The following ZSWIM5 variants were observed in gnomAD, a reference collection of about 807,000 sequenced individuals.
ZSWIM5 encodes zinc finger SWIM domain-containing protein 5.
ZSWIM5 carries 55 observed loss-of-function variants against 119.6 expected under a neutral mutation model. The observed-to-expected ratio is 0.46, with a 90% CI of 0.37 to 0.58. ZSWIM5 has a LOEUF of 0.58. Ranked by LOEUF, ZSWIM5 falls within the 20% of genes least tolerant of loss-of-function variation. The pLI is 0.00. For synonymous variants in ZSWIM5, 537 were observed against 606.9 expected, an observed-to-expected ratio of 0.88 and a Z score of 1.69; for missense variants, 1,193 against 1,512.8, an observed-to-expected ratio of 0.79 and a Z score of 3.51.
At chr1:45,137,460 GA>G (rs906724011) in intron 1 of ZSWIM5, among the ~76,000 whole-genome samples, 95 of 151,300 alleles carry the variant, frequency 6.3e-4, no homozygotes, top group African/African-American at 2.3e-3. Context: ...AACTGCTATA[GA>G]AAAAAAAAGT....
chr1:45,070,555 T>C (rs1645215800), intron 2 of ZSWIM5: 5 of 500,264 alleles, frequency 1.0e-5, no homozygotes, highest in Non-Finnish European at 7.0e-6. Flanking sequence ...CATTTGTTTT[T>C]GTAGTATCTA....
chr1:45,104,742 G>A (rs1404323234), intron 1 of ZSWIM5, among the ~76,000 whole-genome samples: 1 of 152,142 alleles, frequency 6.6e-6, no homozygotes, highest in African/African-American at 2.4e-5. Flanking sequence ...CCCTTCTTGC[G>A]GCCATCTGCT....
chr1:45,076,296 C>G (rs1645256250), intron 2 of ZSWIM5, among the ~76,000 whole-genome samples: 1 of 152,082 alleles, frequency 6.6e-6, no homozygotes, highest in Non-Finnish European at 1.5e-5. Flanking sequence ...TTCTTGTAGG[C>G]CAGTCTGGTG....
chr1:45,114,555 A>C (rs1645536279), intron 1 of ZSWIM5, among the ~76,000 whole-genome samples: 1 of 152,192 alleles, frequency 6.6e-6, no homozygotes, highest in African/African-American at 2.4e-5. Context: ...TTCCTTTTTC[A>C]ATAATTGATA....
At chr1:45,023,504 CTTT>C (rs34813125) in intron 11 of ZSWIM5, among the ~76,000 whole-genome samples, 1 of 139,196 alleles carries the variant, frequency 7.2e-6, no homozygotes. Context: ...TTCCATGTCT[CTTT>C]TTTTTTTTTG....
rs1645289072 is a variant in ZSWIM5 at position 45,081,343 on chromosome 1, GTCTCCC to G, written c.952+6532_952+6537del. ...GTCTCCCTCTCCCTCTCTTTCCACG[GTCTCCC>G]TCTCACGCCAAGCCGAAGCTGGACT... On this transcript the variant is annotated intron_variant, in intron 2 of 13. Coordinates refer to ENST00000359600, the MANE Select transcript of ZSWIM5 (RefSeq NM_020883.2). Among the ~76,000 whole-genome samples the G allele has an allele frequency of 3.3e-5, 5 of 150,772 alleles. No individual in the cohort carries two copies. In the South Asian group the frequency reaches 1.1e-3, roughly 32 times the overall value.
chr1:45,159,391 T>A (rs983138431), intron 1 of ZSWIM5, among the ~76,000 whole-genome samples: 1 of 152,180 alleles, frequency 6.6e-6, no homozygotes, highest in African/African-American at 2.4e-5. Context: ...AATAATATCA[T>A]CTTATGTCAC....
chr1:45,130,766 C>T (rs910445848), intron 1 of ZSWIM5, among the ~76,000 whole-genome samples: 4 of 152,194 alleles, frequency 2.6e-5, no homozygotes, highest in East Asian at 1.9e-4. Context: ...AAACTGAACA[C>T]ATAAACCTCT....
chr1:45,092,938 T>C (rs1442423772), intron 1 of ZSWIM5, among the ~76,000 whole-genome samples: 1 of 151,912 alleles, frequency 6.6e-6, no homozygotes, highest in African/African-American at 2.4e-5. Flanking sequence ...TTGAAATAAA[T>C]CCTATCTATC....
chr1:45,195,690 T>G (rs61789774), intron 1 of ZSWIM5, among the ~76,000 whole-genome samples: 1 of 152,070 alleles, frequency 6.6e-6, no homozygotes, highest in Non-Finnish European at 1.5e-5. Flanking sequence ...GAGACATTCT[T>G]TGAGTAGTTA....
In ZSWIM5 at chr1:45,206,269, G is replaced by A. The variant is rs1341347494; in HGVS notation, c.82C>T (p.Pro28Ser). The change falls in exon 1 of 14, where the codon CCG becomes TCG. Residue 28 changes from proline to serine, a missense_variant. This residue lies in a region of ZSWIM5 where 232 missense variants were observed against 222.9 expected (regional missense o/e 1.04). Coordinates refer to ENST00000359600, the MANE Select transcript of ZSWIM5 (RefSeq NM_020883.2). Reference sequence around the variant, plus strand: ...GAACCGCGAGGGTGATGAGCCTGCGGGCTGGGCCACGAACACTGCCGCTTA... The same window carrying A: ...GAACCGCGAGGGTGATGAGCCTGCGAGCTGGGCCACGAACACTGCCGCTTA... ...PAKRQCSWPS[P>S]QAHHPRGSPG... 1 of 1,582,278 alleles carries A rather than the reference G, an allele frequency of 6.3e-7. No homozygotes were observed. The highest frequency in any genetic ancestry group is 8.6e-7 in the Non-Finnish European group (1 of 1,165,634).
In ZSWIM5 at chr1:45,057,877, GAC is replaced by G. The variant is rs1488126576; in HGVS notation, c.1252+730_1252+731del. On this transcript the variant is annotated intron_variant, in intron 4 of 13. Coordinates refer to ENST00000359600, the MANE Select transcript of ZSWIM5 (RefSeq NM_020883.2). This position sits in a 1 kb window ranked among gnomAD's most constrained non-coding sequence, Gnocchi z 4.7. ...AATCTAAAAGTTTCACGGGGGAATG[GAC>G]ACTACATTGCATTTTAAAGGTTGAG... Among the ~76,000 whole-genome samples, 1 of 152,190 alleles carries G rather than the reference GAC, an allele frequency of 6.6e-6. No homozygotes were observed. Among genetic ancestry groups the G allele is most frequent in the Non-Finnish European group, 1.5e-5 (1 of 68,022 alleles).
At chr1:45,094,544 G>T (rs1454882804) in intron 1 of ZSWIM5, among the ~76,000 whole-genome samples, 1 of 151,742 alleles carries the variant, frequency 6.6e-6, no homozygotes, top group Non-Finnish European at 1.5e-5. Flanking sequence ...GGAGTTCAAG[G>T]CCAGCCTGGC....
intron 1 of ZSWIM5, among the ~76,000 whole-genome samples, chr1:45,134,812 C>A (rs142485487): frequency 6.9e-4 from 105 of 152,336 alleles, no homozygotes; most frequent in African/African-American, 2.4e-3. Context: ...TGAGATACTT[C>A]ATATGAATAG....
At chr1:45,022,502 T>C (rs1644893910) in intron 11 of ZSWIM5, among the ~76,000 whole-genome samples, 1 of 152,206 alleles carries the variant, frequency 6.6e-6, no homozygotes, top group African/African-American at 2.4e-5. Flanking sequence ...TCTCCAGGAA[T>C]ATTTATGCCA....
chr1:45,201,094 C>T (rs908669047), intron 1 of ZSWIM5, among the ~76,000 whole-genome samples: 10 of 152,254 alleles, frequency 6.6e-5, no homozygotes, highest in Middle Eastern at 3.4e-3. Context: ...GAGAATGCCA[C>T]GTGACCACAA....
At chr1:45,114,799 G>A (rs751761520) in intron 1 of ZSWIM5, among the ~76,000 whole-genome samples, 2 of 152,268 alleles carry the variant, frequency 1.3e-5, no homozygotes, top group African/African-American at 2.4e-5. Context: ...GCGGCCTTCC[G>A]CAGTGTTTGT....
At chr1:45,056,954 G>A (rs1417827415) in intron 4 of ZSWIM5, among the ~76,000 whole-genome samples, 1 of 152,178 alleles carries the variant, frequency 6.6e-6, no homozygotes, top group East Asian at 1.9e-4. Context: ...TACATTTGTA[G>A]TTCCTACAAA....
chr1:45,046,632 A>ATG (rs1491125778), intron 5 of ZSWIM5, among the ~76,000 whole-genome samples: 8 of 92,590 alleles, frequency 8.6e-5, no homozygotes, highest in East Asian at 5.1e-4. Flanking sequence ...TCTGGGCAAG[A>ATG]TATGTGTGTG....
Sources: gnomAD v4.1 joint callset for allele counts (sites outside exome capture counted in the v4.1 genomes callset) on GRCh38, gnomAD v4.1.1 for gene constraint, gnomAD v4.1.1 regional missense constraint, Gnocchi (gnomAD v3.1) non-coding constraint, MANE v1.5 for transcripts, NCBI Gene and HGNC (gene_info 2026-07-23, HGNC 2026-07-21) for gene names.